The following LCA5L variants were observed in gnomAD, a reference collection of about 807,000 sequenced individuals.
LCA5L encodes the protein lebercilin-like protein.
In LCA5L, 35 loss-of-function variants were observed where a neutral mutation model predicts 45.4. The ratio of observed to expected loss-of-function variants is 0.77; its 90% confidence interval spans 0.59 to 1.02. The LOEUF (loss-of-function observed/expected upper bound fraction) is 1.02. LCA5L is among the 50% of genes least tolerant of loss of function. LCA5L has a pLI of 0.00. For missense variants in LCA5L, 668 were observed against 761.6 expected (o/e 0.88, Z 1.45); for synonymous variants, 233 against 264.7 (o/e 0.88, Z 1.16).
At chr21:39,422,904 T>G in intron 6 of LCA5L, 72 bp downstream of exon 6, 1 of 1,372,822 alleles carries the variant, frequency 7.3e-7, no homozygotes, top group Admixed American at 2.0e-5. Context: ...AGGGGGCGCA[T>G]CCATGATTAA....
rs751930333 is a variant in LCA5L, at chr21:39,423,287, T to G, written c.526A>C (p.Lys176Gln). The G allele has an allele frequency of 2.9e-5, 47 of 1,608,794 alleles. No homozygotes were observed. The highest frequency in any genetic ancestry group is 3.9e-5 in the Non-Finnish European group (46 of 1,178,530). Residue 176 changes from lysine (K) to glutamine (Q), a missense_variant, in exon 6 of 11, where the codon AAA becomes CAA. Transcript: ENST00000288350. ...TTCAAATGCCTAAGCTGAAGTTGTT[T>G]CAAAAATTGGTTTTCTGTAAGGATG... ...EAILTENQFL[K>Q]QLQLRHLKAI...
intron 8 of LCA5L, chr21:39,411,144 AC>A: frequency 3.1e-6 from 1 of 318,458 alleles, no homozygotes; most frequent in Admixed American, 4.3e-5. Flanking sequence ...GATTCCACTT[AC>A]ATGAAATTCT....
intron 2 of LCA5L, among the ~76,000 whole-genome samples, chr21:39,441,075 C>G (rs2076799713): frequency 6.6e-6 from 1 of 152,108 alleles, no homozygotes; most frequent in African/African-American, 2.4e-5. Context: ...GTGGCTCACA[C>G]CTGTAATCCC....
intron 5 of LCA5L, 167 bp downstream of exon 5, chr21:39,428,005 C>T (rs1370851458): frequency 3.7e-6 from 2 of 541,074 alleles, no homozygotes; most frequent in African/African-American, 1.9e-5. Context: ...TATAATTACT[C>T]TTAATTTCTC....
chr21:39,414,802 T>C (rs996057423), intron 7 of LCA5L, among the ~76,000 whole-genome samples: 6 of 146,258 alleles, frequency 4.1e-5, no homozygotes, highest in Non-Finnish European at 9.0e-5. Context: ...TACTTTGTGA[T>C]TGTCTATGTT....
chr21:39,407,864 CTGCAACTGACG>C (rs1299947977), intron 10 of LCA5L: 1 of 152,276 alleles, frequency 6.6e-6, no homozygotes, highest in East Asian at 1.9e-4. Flanking sequence ...CACAGTGCAA[CTGCAACTGACG>C]ATCAGTTTCC....
At position 39,410,097 on chromosome 21, in the gene LCA5L, C is replaced by G. The variant is rs770209550; in HGVS notation, c.1165-1G>C. ...CGATGTTTCCTGTTGCCTTTTTACC[C>G]TGTAATTTAGAAAAGCAGCAAAAAC... On this transcript the variant is annotated splice_acceptor_variant, in intron 9 of 10. Coordinates refer to ENST00000288350, the MANE Select transcript of LCA5L (RefSeq NM_152505.4). LOFTEE classifies it high-confidence loss of function. 6.3e-7 allele frequency: 1 copy of G among 1,594,528 alleles called. No individual in the cohort carries two copies. The highest frequency in any genetic ancestry group is 8.6e-7 in the Non-Finnish European group (1 of 1,163,842).
At chr21:39,430,596 T>C (rs1371591236) in intron 3 of LCA5L, among the ~76,000 whole-genome samples, 1 of 152,150 alleles carries the variant, frequency 6.6e-6, no homozygotes, top group Non-Finnish European at 1.5e-5. Context: ...AAGAAGCTTA[T>C]CTGAGGAATG....
chr21:39,416,117 T>C (rs1398409919), intron 7 of LCA5L, among the ~76,000 whole-genome samples: 2 of 152,322 alleles, frequency 1.3e-5, no homozygotes, highest in African/African-American at 4.8e-5. Flanking sequence ...ATAAGGAGGA[T>C]CTTACCCCCT....
intron 8 of LCA5L, chr21:39,411,093 G>C (rs985337931): frequency 2.3e-5 from 8 of 346,858 alleles, no homozygotes; most frequent in Admixed American, 2.0e-4. Flanking sequence ...AAAACACTAT[G>C]CTGAACAAAA....
At chr21:39,445,201 G>C (rs9983404) in intron 1 of LCA5L, among the ~76,000 whole-genome samples, 77,886 of 151,764 alleles carry the variant, frequency 0.51, 20,407 homozygotes, top group East Asian at 0.67. Flanking sequence ...GGCTGGGTGA[G>C]TGGGGGACAA....
In LCA5L at chr21:39,405,757, A is replaced by C. The variant is rs1030755435; in HGVS notation, c.*125T>G. ...CAATCAAACAAAAATTTAATTATCG[A>C]AAGTCAATTAAGTACTAAAACACAC... is the stretch of plus-strand genomic sequence containing the variant. On this transcript the variant is annotated 3_prime_UTR_variant, in exon 11 of 11. Coordinates refer to ENST00000288350, the MANE Select transcript of LCA5L (RefSeq NM_152505.4). The C allele has an allele frequency of 7.7e-6, 5 of 649,618 alleles. No individual in the cohort carries two copies. Among genetic ancestry groups the C allele is most frequent in the East Asian group, 3.0e-5 (1 of 33,030 alleles). 40.2% of individuals were successfully genotyped at this position (649,618 alleles called of 1,614,324 possible).
intron 3 of LCA5L, among the ~76,000 whole-genome samples, chr21:39,431,242 AC>A (rs2075682833): frequency 6.6e-6 from 1 of 152,190 alleles, no homozygotes; most frequent in South Asian, 2.1e-4. Flanking sequence ...TTGTCCCATT[AC>A]CTACTGGCTC....
chr21:39,423,405 T>A lies in LCA5L; in HGVS notation c.408A>T (p.Arg136Ser). 1.2e-6 allele frequency: 2 copies of A among 1,606,880 alleles called. No homozygotes were observed. Among genetic ancestry groups the A allele is most frequent in the Non-Finnish European group, 1.7e-6 (2 of 1,178,658 alleles). Residue 136 changes from arginine (R) to serine (S), a missense_variant, in exon 6 of 11, where the codon AGA becomes AGT. Coordinates refer to ENST00000288350, the MANE Select transcript of LCA5L (RefSeq NM_152505.4). ...NSQIHMIAQR[R>S]DAMAHRILSA... ...AGAGTATTCGATGAGCCATAGCATC[T>A]CTTCTTTGGGCAATCATATGGATTT...
At chr21:39,418,130 T>C (rs1193677152) in intron 7 of LCA5L, among the ~76,000 whole-genome samples, 1 of 152,174 alleles carries the variant, frequency 6.6e-6, no homozygotes, top group Non-Finnish European at 1.5e-5. Context: ...AAGAACAGCA[T>C]GGGAAAGACC....
In LCA5L at chr21:39,406,509, C is replaced by A. The variant is rs1273338968; in HGVS notation, c.1386G>T (p.Val462=). The A allele has an allele frequency of 6.2e-7, 1 of 1,613,334 alleles. No homozygotes were observed. ...KEDQEKKNIF[V]KEEQELPPKI... ...TTGGTGGTAGTTCTTGCTCTTCTTT[C>A]ACAAAAATGTTTTTCTTTTCTTGGT... Residue 462 remains valine, a synonymous_variant, in exon 11 of 11, where the codon GTG becomes GTT. Coordinates refer to ENST00000288350, the MANE Select transcript of LCA5L (RefSeq NM_152505.4).
At chr21:39,440,644 G>A (rs1015022025) in intron 2 of LCA5L, among the ~76,000 whole-genome samples, 2 of 152,212 alleles carry the variant, frequency 1.3e-5, no homozygotes, top group African/African-American at 4.8e-5. Context: ...TGGCAGATTT[G>A]TGCTTGAACA....
intron 3 of LCA5L, among the ~76,000 whole-genome samples, chr21:39,432,246 A>G (rs1046024918): frequency 6.6e-6 from 1 of 152,208 alleles, no homozygotes; most frequent in African/African-American, 2.4e-5. Flanking sequence ...GCTTTTAGGT[A>G]AACTCAGTAT....
intron 6 of LCA5L, chr21:39,422,081 C>T (rs2073865689): frequency 1.3e-5 from 2 of 152,042 alleles, no homozygotes; most frequent in Admixed American, 6.6e-5. Context: ...CTGTAGATCA[C>T]ATATTAATTT....
Sources: gnomAD v4.1 joint callset for allele counts (sites outside exome capture counted in the v4.1 genomes callset) on GRCh38, gnomAD v4.1.1 for gene constraint, MANE v1.5 for transcripts, NCBI Gene and HGNC (gene_info 2026-07-23, HGNC 2026-07-21) for gene names.